Variants in MYO9B observed in about 807,000 individuals in gnomAD.
MYO9B encodes the protein myosin IXB.
Under a neutral mutation model 229.5 loss-of-function variants are expected in MYO9B, and 71 were observed. The ratio of observed to expected loss-of-function variants is 0.31; its 90% CI spans 0.26 to 0.38. The LOEUF (loss-of-function observed/expected upper bound fraction) is 0.38. MYO9B is among the 10% of genes least tolerant of loss of function. The pLI is 1.00. For synonymous variants in MYO9B, 1,185 were observed against 1,235.8 expected (o/e 0.96, Z 0.86); for missense variants, 2,255 against 2,920.5 (o/e 0.77, Z 5.25).
rs750747273 is a variant in MYO9B at position 17,195,369 on chromosome 19, G to A, written c.3942G>A (p.Arg1314=). The change falls in exon 22 of 40, where the codon CGG becomes CGA. Residue 1314 remains arginine, a synonymous_variant. Transcript: ENST00000682292. The surrounding 1 kb of genome is among the most constrained non-coding windows in gnomAD (Gnocchi z 4.5). ...ERLASAVELW[R]GKKLVAAASP... is the part of the protein sequence containing the mutation. Reference sequence around the variant, plus strand: ...TGGCCAGCGCCGTGGAACTGTGGCGGGGCAAGAAGCTGGTGGCCGCCGCCA... The same window carrying A: ...TGGCCAGCGCCGTGGAACTGTGGCGAGGCAAGAAGCTGGTGGCCGCCGCCA... The A allele has an allele frequency of 6.2e-7, 1 of 1,611,344 alleles. No individual in the cohort carries two copies. Among genetic ancestry groups the A allele is most frequent in the South Asian group, 1.1e-5 (1 of 91,040 alleles).
At position 17,172,972 on chromosome 19, in the gene MYO9B, T is replaced by C; in HGVS notation, c.2140+9T>C. 1 of 1,596,612 alleles carries C rather than the reference T, an allele frequency of 6.3e-7. No individual in the cohort carries two copies. Among genetic ancestry groups the C allele is most frequent in the Non-Finnish European group, 8.5e-7 (1 of 1,178,930 alleles). ...GGCCGAAAAGGCTGCAGGTGGGAGC[T>C]GGGGCGTGAACCCACAAAAGCGTCA... is the stretch of plus-strand genomic sequence containing the variant. On this transcript the variant is annotated intron_variant, in intron 13 of 39. Coordinates refer to ENST00000682292, the MANE Select transcript of MYO9B (RefSeq NM_004145.4). The surrounding 1 kb of genome is among the most constrained non-coding windows in gnomAD (Gnocchi z 8.2).
intron 1 of MYO9B, among the ~76,000 whole-genome samples, chr19:17,081,393 C>T (rs1040251582): frequency 1.3e-5 from 2 of 152,136 alleles, no homozygotes; most frequent in African/African-American, 2.4e-5. Context: ...AGAATAGGTC[C>T]ATTTTGTCTC....
chr19:17,148,225 G>C (rs1432610988), intron 3 of MYO9B, among the ~76,000 whole-genome samples: 3 of 152,170 alleles, frequency 2.0e-5, no homozygotes, highest in Non-Finnish European at 2.9e-5. Flanking sequence ...CTCCCTTGGG[G>C]AGAAGCTAAG....
In MYO9B at chr19:17,190,515, G is replaced by A. The variant is rs114501349; in HGVS notation, c.2689-582G>A. The stretch of plus-strand genomic sequence containing the variant: ...CATGGTGGCTACAGGACTATGTGCC[G>A]TAGTCCCAGCTTCCAGGGAGACTGA... On this transcript the variant is annotated intron_variant, in intron 19 of 39. Transcript: ENST00000682292. Among the ~76,000 whole-genome samples, 646 of 151,046 alleles carry A rather than the reference G, an allele frequency of 4.3e-3. 6 individuals carry two copies. The highest frequency in any genetic ancestry group is 0.014 in the African/African-American group (561 of 41,304).
chr19:17,173,913 G>C (rs2072753125), intron 13 of MYO9B, among the ~76,000 whole-genome samples: 1 of 151,844 alleles, frequency 6.6e-6, no homozygotes, highest in Admixed American at 6.6e-5. Context: ...TTCATGAAAA[G>C]GAGGAAGGAT....
chr19:17,152,525 T>C (rs1398120194), intron 3 of MYO9B, 119 bp from the exon 4 acceptor site: 2 of 749,098 alleles, frequency 2.7e-6, no homozygotes, highest in Non-Finnish European at 4.2e-6. Context: ...ATTGTGCCGT[T>C]GTACTCCAGC....
intron 8 of MYO9B, among the ~76,000 whole-genome samples, chr19:17,161,730 C>A (rs897499827): frequency 6.6e-6 from 1 of 151,942 alleles, no homozygotes; most frequent in Non-Finnish European, 1.5e-5. Context: ...GCTGGAGAAT[C>A]GCTTGAACCC....
At chr19:17,185,382 A>C (rs1190185988) in intron 17 of MYO9B, among the ~76,000 whole-genome samples, 27 of 150,964 alleles carry the variant, frequency 1.8e-4, no homozygotes, top group Admixed American at 5.3e-4. Flanking sequence ...TCAAAAAAAA[A>C]AAAAAAAGAT....
chr19:17,210,975 CACT>C, intron 38 of MYO9B, 127 bp downstream of exon 38: 2 of 512,914 alleles, frequency 3.9e-6, no homozygotes, highest in Non-Finnish European at 3.1e-6. Context: ...GGGCAAACAA[CACT>C]TTTTTTTTTT....
intron 2 of MYO9B, among the ~76,000 whole-genome samples, chr19:17,135,089 G>A (rs1048963433): frequency 1.3e-5 from 2 of 152,080 alleles, no homozygotes; most frequent in East Asian, 1.9e-4. Flanking sequence ...TGATGCACAC[G>A]TCTTGGCTAT....
chr19:17,175,791 C>A, intron 14 of MYO9B, 50 bp downstream of exon 14: 2 of 1,314,478 alleles, frequency 1.5e-6, no homozygotes, highest in Non-Finnish European at 2.1e-6. Context: ...GTGGCAGCAG[C>A]ATTGTTTCAA....
intron 2 of MYO9B, among the ~76,000 whole-genome samples, chr19:17,114,784 C>T (rs1032978814): frequency 6.6e-5 from 10 of 152,086 alleles, no homozygotes; most frequent in Middle Eastern, 3.4e-3. Flanking sequence ...GCTCAGGTCT[C>T]GCTCCTTTAA....
At chr19:17,125,824 C>T (rs2145147970) in intron 2 of MYO9B, among the ~76,000 whole-genome samples, 1 of 152,306 alleles carries the variant, frequency 6.6e-6, no homozygotes, top group Admixed American at 6.5e-5. Flanking sequence ...AAGAACAGAA[C>T]CCGGCAGCAG....
chr19:17,202,352 C>T, intron 28 of MYO9B, 49 bp downstream of exon 28: 2 of 1,487,432 alleles, frequency 1.3e-6, no homozygotes, highest in Non-Finnish European at 8.9e-7. Flanking sequence ...CACGCCTACC[C>T]ATGCCTCGCC....
In MYO9B at chr19:17,125,427, C is replaced by G. The variant is rs543291684; in HGVS notation, c.841-19970C>G. Among the ~76,000 whole-genome samples the G allele has an allele frequency of 2.6e-5, 4 of 151,742 alleles. No individual in the cohort carries two copies. The East Asian group carries it at 7.8e-4, about 29-fold the overall frequency. On this transcript the variant is annotated intron_variant, in intron 2 of 39. Coordinates refer to ENST00000682292, the MANE Select transcript of MYO9B (RefSeq NM_004145.4). ...AAGCCTGGTTTGTTCTGTATTCTTT[C>G]TGTGACCTAGTACGTGGTTTCGTGA...
At chr19:17,201,861 C>G in intron 26 of MYO9B, 65 bp from the exon 27 acceptor site, 4 of 1,225,136 alleles carry the variant, frequency 3.3e-6, no homozygotes, top group Non-Finnish European at 4.7e-6. Context: ...ACCCCTTGGG[C>G]ACCTCCTCGG....
At position 17,210,359 on chromosome 19, in the gene MYO9B, G is replaced by A. The variant is rs748256092; in HGVS notation, c.5775G>A (p.Ser1925=). The change falls in exon 37 of 40, where the codon TCG becomes TCA. Residue 1925 remains serine (S), a synonymous_variant. Coordinates refer to ENST00000682292, the MANE Select transcript of MYO9B (RefSeq NM_004145.4). ...NAPWPLKLGF[S]SPYEGVLNKS... is the part of the protein sequence containing the mutation. Reference sequence around the variant, plus strand: ...CATGGCCTCTCAAACTGGGGTTTTCGTCTCCCTATGAGGGGGTCCTGGTAT... The same window carrying A: ...CATGGCCTCTCAAACTGGGGTTTTCATCTCCCTATGAGGGGGTCCTGGTAT... 4.1e-5 allele frequency: 66 copies of A among 1,598,448 alleles called. No homozygotes were observed. The East Asian group carries it at 8.5e-4, about 21-fold the overall frequency.
chr19:17,121,343 G>A (rs2057962161), intron 2 of MYO9B, among the ~76,000 whole-genome samples: 1 of 152,052 alleles, frequency 6.6e-6, no homozygotes, highest in African/African-American at 2.4e-5. Flanking sequence ...CCCACACTGG[G>A]GTTCGGGAGA....
rs879861138 is a variant in MYO9B at position 17,125,309 on chromosome 19, C to CCCA, written c.841-20088_841-20087insCCA. On this transcript the variant is annotated intron_variant, in intron 2 of 39. Transcript: ENST00000682292. ...GAGTAAAACCCCATCCCCCCCCCCC[C>CCCA]AAAAAAAGGGTAAGATGAGCCCTAG... Among the ~76,000 whole-genome samples, 15 of 120,926 alleles carry CCCA rather than the reference C, an allele frequency of 1.2e-4. 1 individual carries two copies. Among genetic ancestry groups the CCCA allele is most frequent in the African/African-American group, 1.7e-4 (5 of 29,764 alleles). The allele number at this position is 120,926 out of a possible 152,430, so 79.3% of individuals were successfully genotyped here. A position where few individuals can be genotyped will look rare whatever the true frequency, so the allele number is the denominator to read the frequency against.
Sources: gnomAD v4.1 joint callset for allele counts (sites outside exome capture counted in the v4.1 genomes callset) on GRCh38, gnomAD v4.1.1 for gene constraint, Gnocchi (gnomAD v3.1) non-coding constraint, MANE v1.5 for transcripts, NCBI Gene and HGNC (gene_info 2026-07-23, HGNC 2026-07-21) for gene names.